The following SMYD3 variants were observed in gnomAD, a reference collection of about 807,000 sequenced individuals.
The protein encoded by SMYD3 is SET and MYND domain containing 3, also known as histone-lysine N-methyltransferase SMYD3.
In SMYD3, 36 loss-of-function variants were observed where a neutral mutation model predicts 57.7. The ratio of observed to expected loss-of-function variants is 0.62; its 90% CI spans 0.48 to 0.82. The LOEUF (loss-of-function observed/expected upper bound fraction) is 0.82, where lower values mean the gene tolerates loss of function less well. Ranked by LOEUF, SMYD3 falls within the 40% of genes least tolerant of loss-of-function variation. The probability of loss-of-function intolerance (pLI) is 0.00; values close to 1 mark genes in which losing one functional copy is unlikely to be tolerated. For synonymous variants in SMYD3, 211 were observed against 195.0 expected (o/e 1.08, Z -0.68); for missense variants, 515 against 538.8 (o/e 0.96, Z 0.44).
chr1:245,988,968 C>G (rs2148106984), intron 5 of SMYD3, among the ~76,000 whole-genome samples: 1 of 152,334 alleles, frequency 6.6e-6, no homozygotes, highest in East Asian at 1.9e-4. Context: ...TTTTTGAGAT[C>G]TGTGAACCAA....
intron 5 of SMYD3, chr1:245,930,397 G>C (rs552173658): frequency 3.0e-6 from 1 of 336,880 alleles, no homozygotes; most frequent in Admixed American, 4.3e-5. Flanking sequence ...TACAGAAAGC[G>C]AAGTATCCCG....
chr1:246,240,815 T>G (rs2063595796), intron 5 of SMYD3, among the ~76,000 whole-genome samples: 1 of 152,180 alleles, frequency 6.6e-6, no homozygotes, highest in South Asian at 2.1e-4. Context: ...ACATTCCTTG[T>G]AAGTTGGATT....
intron 10 of SMYD3, among the ~76,000 whole-genome samples, chr1:245,774,069 C>T (rs957170070): frequency 3.2e-5 from 4 of 125,424 alleles, no homozygotes; most frequent in Non-Finnish European, 7.0e-5. Flanking sequence ...GTAGAACGCT[C>T]GATGAAATAT....
intron 10 of SMYD3, among the ~76,000 whole-genome samples, chr1:245,818,372 C>G (rs1050682527): frequency 2.6e-5 from 4 of 152,010 alleles, no homozygotes; most frequent in African/African-American, 9.7e-5. Context: ...CCAGGCCTGC[C>G]CTAAAAGAGC....
At chr1:246,096,898 G>A (rs1431095753) in intron 5 of SMYD3, among the ~76,000 whole-genome samples, 2 of 152,170 alleles carry the variant, frequency 1.3e-5, no homozygotes, top group African/African-American at 4.8e-5. Context: ...ATGAAATGAT[G>A]AGTCCCTGCT....
chr1:246,051,225 G>A (rs1213104154), intron 5 of SMYD3, among the ~76,000 whole-genome samples: 2 of 150,226 alleles, frequency 1.3e-5, no homozygotes, highest in African/African-American at 4.9e-5. Flanking sequence ...CCACCTCCCA[G>A]GCTCATCACC....
At chr1:245,852,345 C>G (rs1488459095) in intron 10 of SMYD3, among the ~76,000 whole-genome samples, 1 of 152,158 alleles carries the variant, frequency 6.6e-6, no homozygotes, top group Non-Finnish European at 1.5e-5. Context: ...GTGCTGGAAC[C>G]ACTCCACAAA....
intron 1 of SMYD3, among the ~76,000 whole-genome samples, chr1:246,387,664 G>A (rs891452927): frequency 5.3e-5 from 8 of 152,156 alleles, no homozygotes; most frequent in Admixed American, 2.0e-4. Context: ...AAGTCTCCTC[G>A]GAGGAAGAAA....
chr1:246,250,387 C>A (rs1363541689), intron 5 of SMYD3, among the ~76,000 whole-genome samples: 1 of 152,152 alleles, frequency 6.6e-6, no homozygotes, highest in Non-Finnish European at 1.5e-5. Flanking sequence ...TTCACATAAA[C>A]TAGGTGTAAA....
At chr1:245,993,250 C>A (rs1221747436) in intron 5 of SMYD3, among the ~76,000 whole-genome samples, 3 of 152,138 alleles carry the variant, frequency 2.0e-5, no homozygotes, top group Non-Finnish European at 4.4e-5. Flanking sequence ...AAAGAGAGTT[C>A]ATCCATTTGC....
At chr1:245,896,734 A>G (rs2053830274) in intron 8 of SMYD3, among the ~76,000 whole-genome samples, 1 of 152,204 alleles carries the variant, frequency 6.6e-6, no homozygotes. Flanking sequence ...TCTCTTGTCT[A>G]GGTACACAGC....
intron 1 of SMYD3, among the ~76,000 whole-genome samples, chr1:246,429,444 T>C (rs2067268084): frequency 1.3e-5 from 2 of 152,192 alleles, no homozygotes; most frequent in Admixed American, 1.3e-4. Flanking sequence ...TAATTTCAGT[T>C]ATGTCAAAAA....
chr1:246,101,239 A>G (rs910945645), intron 5 of SMYD3, among the ~76,000 whole-genome samples: 1 of 152,156 alleles, frequency 6.6e-6, no homozygotes, highest in African/African-American at 2.4e-5. Context: ...CTGCAATGCT[A>G]GTATGACCCT....
intron 5 of SMYD3, among the ~76,000 whole-genome samples, chr1:246,226,269 T>C (rs10924572): frequency 0.21 from 31,524 of 152,120 alleles, 3,969 homozygotes; most frequent in East Asian, 0.58. Flanking sequence ...GTATTATAAA[T>C]GCATTTCACA....
intron 5 of SMYD3, among the ~76,000 whole-genome samples, chr1:246,147,382 C>T (rs751587848): frequency 1.2e-4 from 18 of 152,230 alleles, no homozygotes; most frequent in Admixed American, 2.6e-4. Flanking sequence ...TAGAAAACAG[C>T]CCCCATGAAG....
chr1:246,479,743 A>G (rs1166277996), intron 1 of SMYD3, among the ~76,000 whole-genome samples: 1 of 152,034 alleles, frequency 6.6e-6, no homozygotes, highest in Non-Finnish European at 1.5e-5. Context: ...CCTGGGCTCA[A>G]GCAATCCTCC....
chr1:246,496,706 T>A (rs957700957), intron 1 of SMYD3, among the ~76,000 whole-genome samples: 1 of 152,074 alleles, frequency 6.6e-6, no homozygotes, highest in Non-Finnish European at 1.5e-5. Context: ...TGCATGCCTG[T>A]GGTCCCAGCT....
At chr1:246,443,639 T>TAAC (rs1156277105) in intron 1 of SMYD3, among the ~76,000 whole-genome samples, 1 of 152,192 alleles carries the variant, frequency 6.6e-6, no homozygotes, top group Non-Finnish European at 1.5e-5. Context: ...CACAGGAACC[T>TAAC]AACACCAATT....
chr1:245,967,637 A>T (rs2058190013), intron 5 of SMYD3, among the ~76,000 whole-genome samples: 1 of 152,220 alleles, frequency 6.6e-6, no homozygotes, highest in African/African-American at 2.4e-5. Context: ...CATCTGGAAC[A>T]GACTTAGTTC....
Sources: allele counts gnomAD v4.1 joint callset (sites outside exome capture counted in the v4.1 genomes callset), GRCh38; gene constraint gnomAD v4.1.1; transcripts MANE v1.5; gene names NCBI Gene and HGNC (gene_info 2026-07-23, HGNC 2026-07-21).